Variants in ANGPT1 observed in about 807,000 individuals in gnomAD.
The protein encoded by ANGPT1 is angiopoietin 1.
In ANGPT1, 17 loss-of-function variants were observed where a neutral mutation model predicts 62.2. The observed-to-expected ratio is 0.27, with a 90% CI of 0.19 to 0.41. The LOEUF (loss-of-function observed/expected upper bound fraction) is 0.41. Ranked by LOEUF, ANGPT1 falls within the 10% of genes least tolerant of loss-of-function variation. ANGPT1 has a pLI of 1.00. For missense variants in ANGPT1, 478 were observed against 594.9 expected, an observed-to-expected ratio of 0.80 and a Z score of 2.04; for synonymous variants, 199 against 198.9, an observed-to-expected ratio of 1.00 and a Z score of 0.00.
chr8:107,350,635 T>C (rs1229899187), intron 1 of ANGPT1, among the ~76,000 whole-genome samples: 5 of 152,108 alleles, frequency 3.3e-5, no homozygotes, highest in Non-Finnish European at 7.4e-5. Context: ...ATAAAGTAAG[T>C]CTCCAACCTA....
intron 1 of ANGPT1, among the ~76,000 whole-genome samples, chr8:107,464,180 G>A (rs1294945770): frequency 6.6e-6 from 1 of 152,110 alleles, no homozygotes; most frequent in Non-Finnish European, 1.5e-5. Flanking sequence ...CCAAAATGAA[G>A]ATGATAAGAG....
chr8:107,400,063 TAAATACA>T (rs1817015161), intron 1 of ANGPT1, among the ~76,000 whole-genome samples: 1 of 152,170 alleles, frequency 6.6e-6, no homozygotes, highest in South Asian at 2.1e-4. Context: ...AGGTATTTAT[TAAATACA>T]AACCAATTCT....
intron 5 of ANGPT1, among the ~76,000 whole-genome samples, chr8:107,295,979 G>C (rs1325485723): frequency 6.6e-6 from 1 of 151,992 alleles, no homozygotes; most frequent in Non-Finnish European, 1.5e-5. Flanking sequence ...GTTTAGAGTA[G>C]TTCAGTAACT....
chr8:107,367,527 A>G (rs6981438), intron 1 of ANGPT1, among the ~76,000 whole-genome samples: 12,019 of 152,086 alleles, frequency 0.079, 535 homozygotes, highest in South Asian at 0.11. Context: ...CTTTCACTAA[A>G]GATTTATCTA....
chr8:107,274,663 C>T (rs1813817429), intron 7 of ANGPT1, among the ~76,000 whole-genome samples: 1 of 151,980 alleles, frequency 6.6e-6, no homozygotes, highest in South Asian at 2.1e-4. Context: ...TCATTTTATA[C>T]CATAAACCTT....
At chr8:107,328,281 A>G (rs1273803877) in intron 3 of ANGPT1, among the ~76,000 whole-genome samples, 1 of 152,072 alleles carries the variant, frequency 6.6e-6, no homozygotes, top group Non-Finnish European at 1.5e-5. Context: ...GTTCAGGTTA[A>G]ATTTATACTT....
intron 1 of ANGPT1, among the ~76,000 whole-genome samples, chr8:107,392,660 CT>C (rs1267634351): frequency 6.6e-6 from 1 of 152,112 alleles, no homozygotes; most frequent in Non-Finnish European, 1.5e-5. Flanking sequence ...GCTTCTGAGT[CT>C]CCCACTTTCC....
chr8:107,427,775 GT>G (rs1171993920), intron 1 of ANGPT1, among the ~76,000 whole-genome samples: 1 of 152,048 alleles, frequency 6.6e-6, no homozygotes, highest in African/African-American at 2.4e-5. Flanking sequence ...CCAAGTTCCT[GT>G]GCATATTGAT....
In ANGPT1 at chr8:107,347,225, C is replaced by T. The variant is rs10156238; in HGVS notation, c.298-128G>A. On this transcript the variant is annotated intron_variant, in intron 1 of 8. Transcript: ENST00000517746. ...GCCATCTGGCGGGGATCCTCTACAT[C>T]TCTGGGAGTTGGAGAAATGGGAGCA... The T allele has an allele frequency of 3.0e-3, 2,648 of 886,672 alleles. 44 individuals are homozygous for T. In the African/African-American group the frequency reaches 0.036, roughly 12 times the overall value. The allele number at this position is 886,672 out of a possible 1,614,324, so 54.9% of individuals were successfully genotyped here.
chr8:107,314,103 T>C (rs897227266), intron 4 of ANGPT1, among the ~76,000 whole-genome samples: 19 of 152,198 alleles, frequency 1.2e-4, no homozygotes, highest in Non-Finnish European at 2.2e-4. Context: ...TGAGTGTGGA[T>C]GAGACCAGGA....
intron 1 of ANGPT1, among the ~76,000 whole-genome samples, chr8:107,399,068 C>T (rs1334156508): frequency 6.6e-6 from 1 of 152,172 alleles, no homozygotes; most frequent in African/African-American, 2.4e-5. Context: ...ATCCAACTTT[C>T]ACTGGTATTC....
chr8:107,439,272 G>C (rs1168821135), intron 1 of ANGPT1, among the ~76,000 whole-genome samples: 1 of 152,172 alleles, frequency 6.6e-6, no homozygotes, highest in Non-Finnish European at 1.5e-5. Context: ...TCAGACCTGG[G>C]AGTAAGTTAT....
intron 1 of ANGPT1, among the ~76,000 whole-genome samples, chr8:107,464,464 A>G (rs941282225): frequency 1.3e-5 from 2 of 152,090 alleles, no homozygotes; most frequent in Admixed American, 6.6e-5. Context: ...TTATTCATTC[A>G]TTCAATACAC....
chr8:107,423,563 C>T (rs920634899), intron 1 of ANGPT1, among the ~76,000 whole-genome samples: 38 of 152,058 alleles, frequency 2.5e-4, no homozygotes, highest in Non-Finnish European at 4.1e-4. Flanking sequence ...TCCTGCTTTC[C>T]TCCCTCTGAG....
chr8:107,364,870 TG>T (rs1157013983), intron 1 of ANGPT1, among the ~76,000 whole-genome samples: 1 of 152,092 alleles, frequency 6.6e-6, no homozygotes, highest in Non-Finnish European at 1.5e-5. Flanking sequence ...ATTAATAAAG[TG>T]AGAGACTGCA....
chr8:107,299,804 AGAT>A (rs1814528452), intron 5 of ANGPT1, among the ~76,000 whole-genome samples: 1 of 101,868 alleles, frequency 9.8e-6, no homozygotes, highest in Non-Finnish European at 2.0e-5. Context: ...AGTTATATCT[AGAT>A]ATACTATATA....
intron 8 of ANGPT1, among the ~76,000 whole-genome samples, chr8:107,263,494 ATTG>A (rs749510810): frequency 9.6e-4 from 145 of 150,868 alleles, no homozygotes; most frequent in Non-Finnish European, 1.6e-3. Flanking sequence ...TGTTGTTGTT[ATTG>A]TTGTTGTTTT....
chr8:107,434,157 A>G (rs942682061), intron 1 of ANGPT1, among the ~76,000 whole-genome samples: 12 of 152,222 alleles, frequency 7.9e-5, no homozygotes, highest in Admixed American at 4.6e-4. Context: ...TTTAATATCT[A>G]AGTAGAGAGA....
In ANGPT1 at chr8:107,456,813, T is replaced by C. The variant is rs568001574; in HGVS notation, c.297+40449A>G. ...AAAATGAAATGTAAATCTCGAATTATACCTATCTTGAGCATCTTACTTTCC... is the reference window on the plus strand; with the variant it reads ...AAAATGAAATGTAAATCTCGAATTACACCTATCTTGAGCATCTTACTTTCC... On this transcript the variant is annotated intron_variant, in intron 1 of 8. Transcript: ENST00000517746. Among the ~76,000 whole-genome samples the C allele has an allele frequency of 1.6e-4, 24 of 152,214 alleles. No individual in the cohort carries two copies. In the South Asian group the frequency reaches 4.8e-3, roughly 30 times the overall value.
Sources: allele counts gnomAD v4.1 joint callset (sites outside exome capture counted in the v4.1 genomes callset), GRCh38; gene constraint gnomAD v4.1.1; transcripts MANE v1.5; gene names NCBI Gene and HGNC (gene_info 2026-07-23, HGNC 2026-07-21).